Variants in EDDM13 observed in about 807,000 individuals in gnomAD.
EDDM13 encodes the protein epididymal protein 13.
A neutral mutation model predicts 17.8 loss-of-function variants in EDDM13; 24 were observed. The observed-to-expected ratio is 1.35, with a 90% confidence interval of 0.98 to 1.90. The LOEUF (loss-of-function observed/expected upper bound fraction) is 1.90, where lower values mean the gene tolerates loss of function less well. EDDM13 is among the 40% of genes most tolerant of loss of function. The probability of loss-of-function intolerance (pLI) is 0.00; values close to 1 mark genes in which losing one functional copy is unlikely to be tolerated. For missense variants in EDDM13, 97 were observed against 100.8 expected (o/e 0.96, Z 0.16); for synonymous variants, 31 against 37.5 (o/e 0.83, Z 0.63).
rs1202204069 is a variant in EDDM13 at position 56,296,364 on chromosome 19, T to G, written c.268+2T>G. On this transcript the variant is annotated splice_donor_variant, in intron 11 of 14. Coordinates refer to ENST00000649256, the MANE Select transcript of EDDM13 (RefSeq NM_001354658.2). LOFTEE classifies it high-confidence loss of function. Reference sequence around the variant, plus strand: ...TGCTGAGCCTCCAAGTACTGCATGGTAAGTCTGGTGACTGCTATTTCGTGT... The same window carrying G: ...TGCTGAGCCTCCAAGTACTGCATGGGAAGTCTGGTGACTGCTATTTCGTGT... 6.6e-6 allele frequency: 1 copy of G among 152,218 alleles called. No homozygotes were observed. The highest frequency in any genetic ancestry group is 2.4e-5 in the African/African-American group (1 of 41,446). 9.4% of individuals were successfully genotyped at this position (152,218 alleles called of 1,614,324 possible). A position where few individuals can be genotyped will look rare whatever the true frequency, so the allele number is the denominator to read the frequency against.
chr19:56,288,678 T>G (rs2039305505), intron 7 of EDDM13, among the ~76,000 whole-genome samples, 196 bp from the exon 8 acceptor site: 1 of 152,158 alleles, frequency 6.6e-6, no homozygotes, highest in South Asian at 2.1e-4. Flanking sequence ...CGTGACTGAG[T>G]GCTTAAGTCT....
chr19:56,293,408 C>G (rs58730731), intron 9 of EDDM13, among the ~76,000 whole-genome samples: 1 of 152,086 alleles, frequency 6.6e-6, no homozygotes, highest in Non-Finnish European at 1.5e-5. Context: ...CTCAGACTAA[C>G]GAGGTCCCTG....
Position 56,288,877 on chromosome 19 carries a change from G to A in EDDM13, c.212G>A (p.Arg71Lys), listed in dbSNP as rs2039322869. Among the ~76,000 whole-genome samples, 1 of 152,250 alleles carries A rather than the reference G, an allele frequency of 6.6e-6. No homozygotes were observed. The highest frequency in any genetic ancestry group is 1.9e-4 in the East Asian group (1 of 5,178). The change falls in exon 8 of 15, where the codon AGG becomes AAG. Residue 71 changes from arginine (R) to lysine (K), a missense_variant. Arg to Lys is a conservative substitution (Grantham distance 26, BLOSUM62 2). Transcript: ENST00000649256. ...KMPPLVSPQDRTEEEIKKILG... is the reference protein window; with the variant it reads ...KMPPLVSPQDKTEEEIKKILG... ...CTGCCTACATTCTAGCCTCCAGATA[G>A]GACAGAAGAAGAAAGTAAGTACTGT...
intron 14 of EDDM13, among the ~76,000 whole-genome samples, chr19:56,309,846 TGAG>T (rs1223083791): frequency 6.6e-6 from 1 of 152,134 alleles, no homozygotes; most frequent in South Asian, 2.1e-4. Flanking sequence ...AGCCCTGCTC[TGAG>T]GAGGAGACAC....
intron 14 of EDDM13, among the ~76,000 whole-genome samples, chr19:56,308,665 T>C (rs2040854351): frequency 6.6e-6 from 1 of 150,612 alleles, no homozygotes; most frequent in Non-Finnish European, 1.5e-5. Flanking sequence ...ATCACATTTT[T>C]TTTCCCGCTC....
intron 6 of EDDM13, 131 bp downstream of exon 6, chr19:56,285,155 T>C (rs1449956620): frequency 1.6e-5 from 5 of 314,822 alleles, no homozygotes; most frequent in Non-Finnish European, 2.3e-5. Flanking sequence ...GCACATGTTT[T>C]GTTTGAACTT....
At chr19:56,281,226 G>A (rs2038673320) in intron 2 of EDDM13, among the ~76,000 whole-genome samples, 1 of 152,130 alleles carries the variant, frequency 6.6e-6, no homozygotes, top group South Asian at 2.1e-4. Context: ...TGAGTAGGCT[G>A]ACCAGAAGAA....
At chr19:56,298,315 C>A (rs1468765930) in intron 12 of EDDM13, 1 of 151,866 alleles carries the variant, frequency 6.6e-6, no homozygotes, top group African/African-American at 2.4e-5. Context: ...CCCAAAAAAA[C>A]ACAAATTACC....
chr19:56,302,558 TCCCC>T lies in EDDM13; in HGVS notation c.423+466_423+469del, dbSNP rs1164203036. ...TTCTTCCTCCCCGTTCCTCCCTCCC[TCCCC>T]CCTTCCTTTTCTTCCTCCCCCTTTT... On this transcript the variant is annotated intron_variant, in intron 13 of 14. Coordinates refer to ENST00000649256, the MANE Select transcript of EDDM13 (RefSeq NM_001354658.2). Among the ~76,000 whole-genome samples the T allele has an allele frequency of 9.6e-4, 28 of 29,246 alleles. 1 individual carries two copies. Among genetic ancestry groups the T allele is most frequent in the South Asian group, 5.8e-3 (5 of 864 alleles). The allele number at this position is 29,246 out of a possible 152,430, so 19.2% of individuals were successfully genotyped here. A position where few individuals can be genotyped will look rare whatever the true frequency, so the allele number is the denominator to read the frequency against.
rs571183904 is a variant in EDDM13, at chr19:56,302,633, C to T, written c.423+538C>T. ...TCTCCCTCTTCCTCCCTCCCTCCTCCTCCCTTCCTTTTCTTCCCCCCCTCC... is the reference window on the plus strand; with the variant it reads ...TCTCCCTCTTCCTCCCTCCCTCCTCTTCCCTTCCTTTTCTTCCCCCCCTCC... On this transcript the variant is annotated intron_variant, in intron 13 of 14. Transcript: ENST00000649256. Among the ~76,000 whole-genome samples the T allele has an allele frequency of 2.1e-3, 274 of 131,078 alleles. 2 individuals are homozygous for T. The highest frequency in any genetic ancestry group is 7.8e-3 in the African/African-American group (252 of 32,442). The allele number at this position is 131,078 out of a possible 152,430, so 86.0% of individuals were successfully genotyped here. A position where few individuals can be genotyped will look rare whatever the true frequency, so the allele number is the denominator to read the frequency against.
intron 9 of EDDM13, among the ~76,000 whole-genome samples, chr19:56,293,505 G>T (rs183339461): frequency 2.6e-5 from 4 of 152,364 alleles, no homozygotes; most frequent in African/African-American, 9.6e-5. Context: ...GAAAGGGAAA[G>T]AGGAACTGGC....
chr19:56,275,415 A>T (rs2038173436), intron 1 of EDDM13, among the ~76,000 whole-genome samples: 1 of 152,144 alleles, frequency 6.6e-6, no homozygotes. Flanking sequence ...GTATTTATTT[A>T]TATCAGCGTG....
intron 12 of EDDM13, 187 bp downstream of exon 12, chr19:56,297,718 A>G (rs117533641): frequency 1.8e-3 from 277 of 155,942 alleles, no homozygotes; most frequent in Non-Finnish European, 3.3e-3. Context: ...CACACTGCTC[A>G]TGGGCATCGA....
intron 11 of EDDM13, 73 bp from the exon 12 acceptor site, chr19:56,297,432 T>C (rs1271202417): frequency 2.1e-6 from 1 of 482,570 alleles, no homozygotes; most frequent in Non-Finnish European, 2.7e-6. Context: ...CCTCCCTCTC[T>C]CCCTCCCTTT....
chr19:56,294,777 T>C (rs2039748984), intron 9 of EDDM13, among the ~76,000 whole-genome samples: 1 of 152,228 alleles, frequency 6.6e-6, no homozygotes, highest in Non-Finnish European at 1.5e-5. Flanking sequence ...ATGTGTCTAT[T>C]CATACAATGG....
At chr19:56,308,772 G>T (rs1159086243) in intron 14 of EDDM13, among the ~76,000 whole-genome samples, 1 of 152,164 alleles carries the variant, frequency 6.6e-6, no homozygotes, top group Non-Finnish European at 1.5e-5. Flanking sequence ...TTTGGTTCAG[G>T]AACCAACAGC....
chr19:56,282,139 C>T (rs1345075076), intron 3 of EDDM13, among the ~76,000 whole-genome samples: 2 of 152,050 alleles, frequency 1.3e-5, no homozygotes, highest in Non-Finnish European at 2.9e-5. Context: ...CTTCCTTTCC[C>T]AGAATTAACA....
chr19:56,307,158 G>A (rs1489847468), intron 14 of EDDM13, among the ~76,000 whole-genome samples: 1 of 144,338 alleles, frequency 6.9e-6, no homozygotes, highest in African/African-American at 2.6e-5. Context: ...AAAGTACTAA[G>A]GACAGATGGG....
chr19:56,291,052 G>A (rs1395944139), intron 9 of EDDM13, among the ~76,000 whole-genome samples: 1 of 152,214 alleles, frequency 6.6e-6, no homozygotes, highest in East Asian at 1.9e-4. Context: ...CCGTGAGGGT[G>A]TGTCTGGGAT....
Sources: allele counts gnomAD v4.1 joint callset (sites outside exome capture counted in the v4.1 genomes callset), GRCh38; gene constraint gnomAD v4.1.1; transcripts MANE v1.5; gene names NCBI Gene and HGNC (gene_info 2026-07-23, HGNC 2026-07-21).